DNAJB6: variants seen among roughly 807,000 people sequenced by gnomAD.
The protein encoded by DNAJB6 is dnaJ homolog subfamily B member 6.
Under a neutral mutation model 42.7 loss-of-function variants are expected in DNAJB6, and 16 were observed. The observed-to-expected ratio is 0.37, with a 90% confidence interval of 0.25 to 0.57. The LOEUF (loss-of-function observed/expected upper bound fraction) is 0.57. Ranked by LOEUF, DNAJB6 falls within the 20% of genes least tolerant of loss-of-function variation. DNAJB6 has a pLI of 0.74. For missense variants in DNAJB6, 347 were observed against 416.8 expected (o/e 0.83, Z 1.46); for synonymous variants, 170 against 163.5 (o/e 1.04, Z -0.30).
chr7:157,386,168 A>G, intron 8 of DNAJB6: 1 of 967,620 alleles, frequency 1.0e-6, no homozygotes, highest in Non-Finnish European at 1.2e-6. Flanking sequence ...AATGCTGGCA[A>G]CTTAGTAAGT....
At chr7:157,397,394 G>A (rs1175387526) in intron 8 of DNAJB6, among the ~76,000 whole-genome samples, 1 of 152,212 alleles carries the variant, frequency 6.6e-6, no homozygotes, top group African/African-American at 2.4e-5. Context: ...TGCTGGGCCG[G>A]AACCTCTGTG....
In DNAJB6 at chr7:157,358,428, C is replaced by G. The variant is rs533393250; in HGVS notation, c.-26-119C>G. ...TGGTTAGCTCTAGTGGAAGTTCCCT[C>G]TGTAGGCCAGTAGGTGCTAAGGTGA... On this transcript the variant is annotated intron_variant, in intron 1 of 9. Coordinates refer to ENST00000262177, the MANE Select transcript of DNAJB6 (RefSeq NM_058246.4). 3.7e-5 allele frequency: 24 copies of G among 645,450 alleles called. No homozygotes were observed. The East Asian group carries it at 5.8e-4, about 16-fold the overall frequency. 40.0% of individuals were successfully genotyped at this position (645,450 alleles called of 1,614,324 possible).
intron 8 of DNAJB6, among the ~76,000 whole-genome samples, chr7:157,399,645 A>G (rs745705372): frequency 2.6e-5 from 4 of 151,914 alleles, no homozygotes; most frequent in Non-Finnish European, 4.4e-5. Flanking sequence ...GCATGTGACT[A>G]TATATCTATA....
chr7:157,390,858 C>G (rs957459526), intron 8 of DNAJB6, among the ~76,000 whole-genome samples: 2 of 152,082 alleles, frequency 1.3e-5, no homozygotes, highest in African/African-American at 4.8e-5. Flanking sequence ...AACTTTTGGA[C>G]CAGTTCTCTC....
At chr7:157,397,870 T>G (rs1208885557) in intron 8 of DNAJB6, among the ~76,000 whole-genome samples, 2 of 151,900 alleles carry the variant, frequency 1.3e-5, no homozygotes, top group African/African-American at 4.9e-5. Context: ...TGTTCAGGAG[T>G]CTGGGCGTGG....
At chr7:157,377,565 A>C (rs922346717) in intron 5 of DNAJB6, among the ~76,000 whole-genome samples, 12 of 152,164 alleles carry the variant, frequency 7.9e-5, no homozygotes, top group Admixed American at 5.2e-4. Context: ...GAAGCTAGCC[A>C]GTAAAATCTG....
chr7:157,367,258 T>G (rs1400789351), intron 4 of DNAJB6, 115 bp from the exon 5 acceptor site: 4 of 705,870 alleles, frequency 5.7e-6, no homozygotes, highest in Non-Finnish European at 1.0e-5. Context: ...TTCAGGTTTA[T>G]GAAATATTTT....
chr7:157,411,380 T>C (rs569430974), intron 9 of DNAJB6: 2 of 142,268 alleles, frequency 1.4e-5, no homozygotes, highest in African/African-American at 5.3e-5. Flanking sequence ...ATCCCTGCAC[T>C]GAGCGGGCGT....
Position 157,415,944 on chromosome 7 carries a change from GA to G in DNAJB6, c.899-68del, listed in dbSNP as rs1256122830. On this transcript the variant is annotated intron_variant, in intron 9 of 9. Coordinates refer to ENST00000262177, the MANE Select transcript of DNAJB6 (RefSeq NM_058246.4). ...TGTTCTTAACATGGGGAGATATTTA[GA>G]AAACATGTTTGGCTCTTGCTGGGGA... The G allele has an allele frequency of 3.1e-6, 5 of 1,605,094 alleles. No individual in the cohort carries two copies. In the Admixed American group the frequency reaches 8.4e-5, roughly 27 times the overall value.
intron 8 of DNAJB6, among the ~76,000 whole-genome samples, chr7:157,386,910 C>CA (rs1801091766): frequency 6.6e-6 from 1 of 151,174 alleles, no homozygotes; most frequent in Admixed American, 6.6e-5. Flanking sequence ...CACTTTGGGA[C>CA]AGTCAAGGTC....
At chr7:157,400,458 G>A (rs565367276) in intron 8 of DNAJB6, among the ~76,000 whole-genome samples, 10 of 152,308 alleles carry the variant, frequency 6.6e-5, no homozygotes, top group Admixed American at 2.6e-4. Context: ...TGGTGTGGCC[G>A]TCGGCTCCAT....
rs1296354911 is a variant in DNAJB6, at chr7:157,409,964, G to A, written c.861G>A (p.Arg287=). Residue 287 remains arginine (R), a synonymous_variant, in exon 9 of 10, where the codon CGG becomes CGA. Coordinates refer to ENST00000262177, the MANE Select transcript of DNAJB6 (RefSeq NM_058246.4). ...AGGAGGGCGAGCAGGACCGACCTCGGGCACCCGGGCCCTGGGACCCCCTCG... is the reference window on the plus strand; with the variant it reads ...AGGAGGGCGAGCAGGACCGACCTCGAGCACCCGGGCCCTGGGACCCCCTCG... ...SEEEGEQDRP[R]APGPWDPLAS... is the part of the protein sequence containing the mutation. 6.5e-7 allele frequency: 1 copy of A among 1,535,710 alleles called. No individual in the cohort carries two copies. The highest frequency in any genetic ancestry group is 8.7e-7 in the Non-Finnish European group (1 of 1,144,596).
intron 5 of DNAJB6, among the ~76,000 whole-genome samples, chr7:157,374,402 G>A (rs552892221): frequency 6.6e-6 from 1 of 152,248 alleles, no homozygotes; most frequent in South Asian, 2.1e-4. Context: ...GGGGATTACA[G>A]ACATGTGCCA....
intron 1 of DNAJB6, among the ~76,000 whole-genome samples, chr7:157,346,538 G>A (rs1265284117): frequency 6.6e-6 from 1 of 151,596 alleles, no homozygotes; most frequent in Non-Finnish European, 1.5e-5. Flanking sequence ...AGTTTTATCA[G>A]TTTTTTTTAA....
At chr7:157,402,775 T>C (rs1368603874) in intron 8 of DNAJB6, among the ~76,000 whole-genome samples, 2 of 152,216 alleles carry the variant, frequency 1.3e-5, no homozygotes, top group Non-Finnish European at 2.9e-5. Context: ...AGCCACTCTT[T>C]GGCCCCTGCA....
At chr7:157,367,690 G>C (rs567126157) in intron 5 of DNAJB6, among the ~76,000 whole-genome samples, 1 of 152,252 alleles carries the variant, frequency 6.6e-6, no homozygotes, top group Admixed American at 6.5e-5. Context: ...GAGAAGCCAC[G>C]TCTCTATTAA....
chr7:157,361,070 A>G (rs1201241653), intron 2 of DNAJB6, among the ~76,000 whole-genome samples: 2 of 152,044 alleles, frequency 1.3e-5, no homozygotes, highest in African/African-American at 2.4e-5. Context: ...ACTGCACACT[A>G]ATCATTTTTT....
At chr7:157,354,076 G>T (rs558108645) in intron 1 of DNAJB6, among the ~76,000 whole-genome samples, 5 of 152,320 alleles carry the variant, frequency 3.3e-5, no homozygotes, top group African/African-American at 9.6e-5. Context: ...TTTATAGCTG[G>T]TTTTGTCCAG....
intron 8 of DNAJB6, among the ~76,000 whole-genome samples, chr7:157,408,609 T>C (rs936691431): frequency 3.9e-5 from 6 of 152,240 alleles, no homozygotes; most frequent in Non-Finnish European, 7.3e-5. Context: ...GAGAGCAGGT[T>C]CCTTCCTGAC....
Sources: gnomAD v4.1 joint callset for allele counts (sites outside exome capture counted in the v4.1 genomes callset) on GRCh38, gnomAD v4.1.1 for gene constraint, MANE v1.5 for transcripts, NCBI Gene and HGNC (gene_info 2026-07-23, HGNC 2026-07-21) for gene names.